Variants in ENOSF1 observed in about 807,000 individuals in gnomAD.
ENOSF1 encodes the protein mitochondrial enolase superfamily member 1.
In ENOSF1, 73 loss-of-function variants were observed where a neutral mutation model predicts 68.2. The observed-to-expected ratio is 1.07, with a 90% CI of 0.89 to 1.30. ENOSF1 has a LOEUF of 1.30. Among genes scored for constraint, ENOSF1 ranks in the 50% most tolerant of loss-of-function variants. The probability of loss-of-function intolerance (pLI) is 0.00; values close to 1 mark genes in which losing one functional copy is unlikely to be tolerated. For synonymous variants in ENOSF1, 223 were observed against 210.4 expected (o/e 1.06, Z -0.52); for missense variants, 589 against 554.5 (o/e 1.06, Z -0.62).
chr18:710,187 C>A (rs759137584), intron 1 of ENOSF1, among the ~76,000 whole-genome samples: 2 of 152,032 alleles, frequency 1.3e-5, no homozygotes, highest in Non-Finnish European at 2.9e-5. Context: ...CAGCTCACTG[C>A]AGCCTCGACC....
At chr18:683,132 T>G (rs2076250187) in intron 11 of ENOSF1, 114 bp downstream of exon 11, 1 of 1,307,234 alleles carries the variant, frequency 7.6e-7, no homozygotes, top group African/African-American at 1.5e-5. Context: ...TTTCAGCTAC[T>G]TCAACAGGAA....
intron 3 of ENOSF1, among the ~76,000 whole-genome samples, chr18:694,990 T>C (rs2077576304): frequency 6.6e-6 from 1 of 152,194 alleles, no homozygotes; most frequent in South Asian, 2.1e-4. Context: ...CGTAGTACAA[T>C]AATCACACTC....
rs1413084699 is a variant in ENOSF1, at chr18:690,633, T to C, written c.536-2A>G. 1.2e-6 allele frequency: 2 copies of C among 1,613,540 alleles called. No homozygotes were observed. Among genetic ancestry groups the C allele is most frequent in the Admixed American group, 3.3e-5 (2 of 60,000 alleles). ...ATCCTTGTGCCAGCATTTGCTTCTC[T>C]GTGAAAACACAGCGCCGTCAACATT... On this transcript the variant is annotated splice_acceptor_variant, in intron 7 of 15. Transcript: ENST00000647584. LOFTEE classifies it high-confidence loss of function.
intron 5 of ENOSF1, 41 bp downstream of exon 5, chr18:693,836 CCATTT>C (rs747267276): frequency 1.7e-5 from 28 of 1,610,380 alleles, no homozygotes; most frequent in Non-Finnish European, 2.2e-5. Flanking sequence ...TCAATGATAT[CCATTT>C]CATTTACAGA....
chr18:688,421 G>A, intron 9 of ENOSF1, 153 bp downstream of exon 9: 1 of 829,314 alleles, frequency 1.2e-6, no homozygotes, highest in Non-Finnish European at 1.9e-6. Context: ...AAAGAGCCTG[G>A]CCTAAGGGGA....
chr18:695,771 T>C (rs1409917866), intron 3 of ENOSF1, among the ~76,000 whole-genome samples: 1 of 152,180 alleles, frequency 6.6e-6, no homozygotes, highest in East Asian at 1.9e-4. Flanking sequence ...AATGGACTCA[T>C]GGATTTTATT....
At chr18:694,704 A>G (rs2077540177) in intron 3 of ENOSF1, among the ~76,000 whole-genome samples, 1 of 152,138 alleles carries the variant, frequency 6.6e-6, no homozygotes, top group African/African-American at 2.4e-5. Flanking sequence ...ATTAAAAGGT[A>G]GCAATAGAAA....
At chr18:686,182 A>C (rs898412289) in intron 9 of ENOSF1, 174 bp from the exon 10 acceptor site, 7 of 602,646 alleles carry the variant, frequency 1.2e-5, no homozygotes, top group Non-Finnish European at 2.1e-5. Context: ...TGGGAACTTT[A>C]TCTCTTCATT....
At chr18:688,285 C>T (rs1239534154) in intron 9 of ENOSF1, 4 of 371,218 alleles carry the variant, frequency 1.1e-5, no homozygotes, top group East Asian at 4.7e-5. Flanking sequence ...ACTGAATCAA[C>T]GCTGTTACTG....
Position 670,411 on chromosome 18 carries a change from A to C in ENOSF1, c.*3894T>G, listed in dbSNP as rs1056207661. 14 of 346,394 alleles carry C rather than the reference A, an allele frequency of 4.0e-5. No individual in the cohort carries two copies. In the Admixed American group the frequency reaches 4.4e-4, roughly 11 times the overall value. The allele number at this position is 346,394 out of a possible 1,614,324, so 21.5% of individuals were successfully genotyped here. A position where few individuals can be genotyped will look rare whatever the true frequency, so the allele number is the denominator to read the frequency against. On this transcript the variant is annotated 3_prime_UTR_variant, in exon 16 of 16. Coordinates refer to ENST00000647584, the MANE Select transcript of ENOSF1 (RefSeq NM_017512.7). ...ACAGAATTATTCCTGCTGTATTTGTAATCTGGTGCCACGAGGTAGCCCAGA... is the reference window on the plus strand; with the variant it reads ...ACAGAATTATTCCTGCTGTATTTGTCATCTGGTGCCACGAGGTAGCCCAGA...
At chr18:689,200 T>A (rs1453585543) in intron 8 of ENOSF1, among the ~76,000 whole-genome samples, 1 of 152,168 alleles carries the variant, frequency 6.6e-6, no homozygotes, top group Non-Finnish European at 1.5e-5. Context: ...ACTCACTAAG[T>A]CACAGAGTCC....
rs941441452 is a variant in ENOSF1, at chr18:679,320, G to A, written c.877-583C>T. On this transcript the variant is annotated intron_variant, in intron 11 of 15. Coordinates refer to ENST00000647584, the MANE Select transcript of ENOSF1 (RefSeq NM_017512.7). ...CACCCCCCAGGCTGAAGCGATTCTC[G>A]TGCCTCAGCCTCCTGAGTAGCTGGG... 4.5e-4 allele frequency among the ~76,000 whole-genome samples: 67 copies of A among 149,966 alleles called. 2 individuals carry two copies. The highest frequency in any genetic ancestry group is 4.4e-3 in the Admixed American group (65 of 14,886).
rs561041611 is a variant in ENOSF1 at position 683,536 on chromosome 18, A to G, written c.742-156T>C. On this transcript the variant is annotated intron_variant, in intron 10 of 15. Coordinates refer to ENST00000647584, the MANE Select transcript of ENOSF1 (RefSeq NM_017512.7). Reference sequence around the variant, plus strand: ...GAGGCCCAGCACACGGCCCTAACAAAAAGAGCCAGAGAGCAGCTGCTGAGA... The same window carrying G: ...GAGGCCCAGCACACGGCCCTAACAAGAAGAGCCAGAGAGCAGCTGCTGAGA... 7.8e-5 allele frequency: 60 copies of G among 769,240 alleles called. 1 individual carries two copies. Among genetic ancestry groups the G allele is most frequent in the Admixed American group, 3.2e-4 (11 of 33,856 alleles). The allele number at this position is 769,240 out of a possible 1,614,324, so 47.7% of individuals were successfully genotyped here.
chr18:684,571 C>T (rs371330728), intron 10 of ENOSF1, among the ~76,000 whole-genome samples: 1 of 151,964 alleles, frequency 6.6e-6, no homozygotes, highest in East Asian at 1.9e-4. Flanking sequence ...TCATATTAAC[C>T]CATTTTACAA....
intron 5 of ENOSF1, chr18:693,622 A>T: frequency 1.0e-6 from 1 of 985,438 alleles, no homozygotes; most frequent in Non-Finnish European, 1.2e-6. Flanking sequence ...GAGAACTGGC[A>T]CCGTGTGTTA....
At position 671,636 on chromosome 18, in the gene ENOSF1, T is replaced by C. The variant is rs1349009987; in HGVS notation, c.*2669A>G. The C allele has an allele frequency of 3.2e-6, 2 of 622,616 alleles. No individual in the cohort carries two copies. The highest frequency in any genetic ancestry group is 5.7e-6 in the Non-Finnish European group (2 of 353,852). The allele number at this position is 622,616 out of a possible 1,614,324, so 38.6% of individuals were successfully genotyped here. ...AGGCAGGCATCTGCCTCAGCAACCATGGGCACTTAACATGTCAGGTGCTGT... is the reference window on the plus strand; with the variant it reads ...AGGCAGGCATCTGCCTCAGCAACCACGGGCACTTAACATGTCAGGTGCTGT... On this transcript the variant is annotated 3_prime_UTR_variant, in exon 16 of 16. Coordinates refer to ENST00000647584, the MANE Select transcript of ENOSF1 (RefSeq NM_017512.7).
rs145955718 is a variant in ENOSF1 at position 677,418 on chromosome 18, C to T, written c.1075G>A (p.Val359Ile). 4.3e-5 allele frequency: 69 copies of T among 1,613,640 alleles called. No homozygotes were observed. The highest frequency in any genetic ancestry group is 5.6e-5 in the Non-Finnish European group (66 of 1,179,972). The change falls in exon 14 of 16, where the codon GTT becomes ATT. Residue 359 changes from valine (V) to isoleucine (I), a missense_variant. By Grantham distance (29) the Val-to-Ile change is conservative. Coordinates refer to ENST00000647584, the MANE Select transcript of ENOSF1 (RefSeq NM_017512.7). ...EIPVCPHAGG[V>I]GLCELVQHLI... is the part of the protein sequence containing the mutation. ...TGCTGCACCAGTTCACAGAGGCCAA[C>T]TCCACCAGCATGGGGGCAAACAGGA...
downstream of ENOSF1, among the ~76,000 whole-genome samples, chr18:666,963 A>C (rs62090123): frequency 5.1e-3 from 81 of 15,912 alleles, 14 homozygotes; most frequent in African/African-American, 0.028. Context: ...ATGGAGATGG[A>C]GATGGTGATG....
Position 685,911 on chromosome 18 carries a change from G to T in ENOSF1, c.741+10C>A. The T allele has an allele frequency of 6.2e-7, 1 of 1,606,066 alleles. No individual in the cohort carries two copies. Among genetic ancestry groups the T allele is most frequent in the Non-Finnish European group, 8.5e-7 (1 of 1,172,646 alleles). ...GCTACTGCTTCTTAGTGGTGTGAGAGGATATTTACCAAAGTCTTTTCCGGT... is the reference window on the plus strand; with the variant it reads ...GCTACTGCTTCTTAGTGGTGTGAGATGATATTTACCAAAGTCTTTTCCGGT... On this transcript the variant is annotated intron_variant, in intron 10 of 15. Coordinates refer to ENST00000647584, the MANE Select transcript of ENOSF1 (RefSeq NM_017512.7).
Sources: allele counts gnomAD v4.1 joint callset (sites outside exome capture counted in the v4.1 genomes callset), GRCh38; gene constraint gnomAD v4.1.1; transcripts MANE v1.5; gene names NCBI Gene and HGNC (gene_info 2026-07-23, HGNC 2026-07-21).